The following TMTC2 variants were observed in gnomAD, a reference collection of about 807,000 sequenced individuals.
TMTC2 encodes transmembrane O-mannosyltransferase targeting cadherins 2.
Under a neutral mutation model 82.4 loss-of-function variants are expected in TMTC2, and 43 were observed. That is an observed-to-expected ratio of 0.52 (90% confidence interval 0.41 to 0.67). The LOEUF (loss-of-function observed/expected upper bound fraction) is 0.67, where lower values mean the gene tolerates loss of function less well. Among genes scored for constraint, TMTC2 ranks in the 30% least tolerant of loss-of-function variants. The pLI is 0.00. For synonymous variants in TMTC2, 408 were observed against 381.9 expected (o/e 1.07, Z -0.80); for missense variants, 919 against 1,012.4 (o/e 0.91, Z 1.25).
At position 82,965,596 on chromosome 12, in the gene TMTC2, A is replaced by G; in HGVS notation, c.1721A>G (p.Gln574Arg). 6.2e-7 allele frequency: 1 copy of G among 1,613,772 alleles called. No individual in the cohort carries two copies. The highest frequency in any genetic ancestry group is 8.5e-7 in the Non-Finnish European group (1 of 1,179,722). ...YLNTGIILMN[Q>R]GRTEEARRTF... is the part of the protein sequence containing the mutation. ...AATACCGGTATTATTCTAATGAACC[A>G]AGGAAGGACGGAAGAAGCCCGACGG... Residue 574 changes from glutamine (Q) to arginine (R), a missense_variant, in exon 6 of 12, where the codon CAA (glutamine) becomes CGA (arginine). Coordinates refer to ENST00000321196, the MANE Select transcript of TMTC2 (RefSeq NM_152588.3).
At chr12:82,916,604 A>G (rs1052987656) in intron 3 of TMTC2, among the ~76,000 whole-genome samples, 17 of 152,214 alleles carry the variant, frequency 1.1e-4, no homozygotes, top group African/African-American at 3.9e-4. Context: ...GTAAAATGCC[A>G]AGGAACAACC....
At chr12:83,031,252 G>A (rs1322297558) in intron 9 of TMTC2, among the ~76,000 whole-genome samples, 1 of 152,140 alleles carries the variant, frequency 6.6e-6, no homozygotes, top group Non-Finnish European at 1.5e-5. Flanking sequence ...CATTGAGCAT[G>A]TCATTTTGAA....
chr12:82,719,085 ATTTTTTTTTTTT>A (rs71068944), intron 1 of TMTC2, among the ~76,000 whole-genome samples: 5 of 41,406 alleles, frequency 1.2e-4, no homozygotes, highest in African/African-American at 2.3e-4. Flanking sequence ...ATATATATAT[ATTTTTTTTTTTT>A]TTTTTTTTTT....
At chr12:82,938,600 C>T (rs1020567232) in intron 4 of TMTC2, among the ~76,000 whole-genome samples, 12 of 152,126 alleles carry the variant, frequency 7.9e-5, no homozygotes, top group Admixed American at 1.3e-4. Flanking sequence ...TGTTATAATG[C>T]TGTTGGCTTG....
At chr12:82,851,082 TTG>T (rs1870952161) in intron 1 of TMTC2, among the ~76,000 whole-genome samples, 1 of 151,324 alleles carries the variant, frequency 6.6e-6, no homozygotes, top group African/African-American at 2.4e-5. Flanking sequence ...GAAAACAACA[TTG>T]TGTTTGCATT....
In TMTC2 at chr12:82,980,177, CAATT is replaced by C. The variant is rs1209602629; in HGVS notation, c.1949-5741_1949-5738del. 3.3e-5 allele frequency among the ~76,000 whole-genome samples: 5 copies of C among 151,754 alleles called. No individual in the cohort carries two copies. In the East Asian group the frequency reaches 5.8e-4, roughly 18 times the overall value. On this transcript the variant is annotated intron_variant, in intron 7 of 11. Coordinates refer to ENST00000321196, the MANE Select transcript of TMTC2 (RefSeq NM_152588.3). Reference sequence around the variant, plus strand: ...AGGTAGATAAACCAAATTCATCAATCAATTAATTAAAGTGAATTTATTTTAAAAT... The same window carrying C: ...AGGTAGATAAACCAAATTCATCAATCAATTAAAGTGAATTTATTTTAAAAT...
chr12:83,061,319 AAAGT>A (rs2137472528), intron 10 of TMTC2, among the ~76,000 whole-genome samples: 1 of 151,924 alleles, frequency 6.6e-6, no homozygotes, highest in African/African-American at 2.4e-5. Flanking sequence ...TACTGGAAAG[AAAGT>A]GTCTTTCTAG....
chr12:83,034,880 C>T (rs1289445755), intron 9 of TMTC2, among the ~76,000 whole-genome samples: 2 of 152,154 alleles, frequency 1.3e-5, no homozygotes, highest in Non-Finnish European at 2.9e-5. Flanking sequence ...TAAGAAAATA[C>T]GTACTATGAT....
intron 4 of TMTC2, among the ~76,000 whole-genome samples, chr12:82,933,556 G>A (rs569825037): frequency 8.5e-5 from 13 of 152,264 alleles, no homozygotes; most frequent in South Asian, 2.1e-4. Flanking sequence ...GACACATAAC[G>A]TGATAATACC....
At chr12:83,128,963 T>C (rs1004577072) in intron 11 of TMTC2, among the ~76,000 whole-genome samples, 12 of 152,202 alleles carry the variant, frequency 7.9e-5, no homozygotes, top group Non-Finnish European at 1.5e-5. Context: ...AGAATAAACG[T>C]TGACTTTCAA....
At chr12:82,698,817 C>G (rs2136895459) in intron 1 of TMTC2, among the ~76,000 whole-genome samples, 1 of 152,076 alleles carries the variant, frequency 6.6e-6, no homozygotes, top group South Asian at 2.1e-4. Context: ...ACTGTGATAC[C>G]TCGTCAATTG....
At chr12:83,117,577 A>G (rs1369938916) in intron 11 of TMTC2, among the ~76,000 whole-genome samples, 2 of 152,086 alleles carry the variant, frequency 1.3e-5, no homozygotes, top group Non-Finnish European at 2.9e-5. Flanking sequence ...GTAGTTTGAA[A>G]TCAGGTAATG....
At chr12:82,710,814 G>A (rs1429980487) in intron 1 of TMTC2, among the ~76,000 whole-genome samples, 1 of 152,154 alleles carries the variant, frequency 6.6e-6, no homozygotes, top group African/African-American at 2.4e-5. Flanking sequence ...TCTGTGAAGA[G>A]GACAGTAATT....
chr12:82,728,393 A>G (rs185054244), intron 1 of TMTC2, among the ~76,000 whole-genome samples: 82 of 152,156 alleles, frequency 5.4e-4, no homozygotes, highest in African/African-American at 1.9e-3. Flanking sequence ...TCTCATTTGA[A>G]AAATCAAAAG....
chr12:82,940,014 C>CTTTTTTTTTTTTTTTTTTTTTT (rs71309537), intron 4 of TMTC2, among the ~76,000 whole-genome samples: 2 of 91,266 alleles, frequency 2.2e-5, no homozygotes, highest in African/African-American at 4.3e-5. Flanking sequence ...TCTTTCTTTA[C>CTTTTTTTTTTTTTTTTTTTTTT]TTTTTTTTTT....
At chr12:82,929,493 C>CGAGG (rs1875908148) in intron 3 of TMTC2, among the ~76,000 whole-genome samples, 2 of 152,184 alleles carry the variant, frequency 1.3e-5, no homozygotes, top group Non-Finnish European at 2.9e-5. Context: ...ACAGGCAAAT[C>CGAGG]TGAGATTGAA....
intron 11 of TMTC2, among the ~76,000 whole-genome samples, chr12:83,121,367 C>G (rs187529054): frequency 7.4e-4 from 113 of 152,212 alleles, no homozygotes; most frequent in African/African-American, 2.6e-3. Flanking sequence ...AATACTCTCC[C>G]CCTTTTCCTA....
intron 1 of TMTC2, among the ~76,000 whole-genome samples, chr12:82,792,968 A>G (rs1878538108): frequency 6.6e-6 from 1 of 152,114 alleles, no homozygotes; most frequent in Non-Finnish European, 1.5e-5. Context: ...TGCCAAAGGA[A>G]ATTAATACAT....
chr12:82,801,768 A>T (rs1879016661), intron 1 of TMTC2, among the ~76,000 whole-genome samples: 1 of 152,082 alleles, frequency 6.6e-6, no homozygotes, highest in Admixed American at 6.5e-5. Context: ...GCTAGACATA[A>T]AGATCCTCCA....
Sources: gnomAD v4.1 joint callset for allele counts (sites outside exome capture counted in the v4.1 genomes callset) on GRCh38, gnomAD v4.1.1 for gene constraint, MANE v1.5 for transcripts, NCBI Gene and HGNC (gene_info 2026-07-23, HGNC 2026-07-21) for gene names.